The following NEDD9 variants were observed in gnomAD, a reference collection of about 807,000 sequenced individuals.
NEDD9 encodes the protein neural precursor cell expressed, developmentally down-regulated 9, also known as enhancer of filamentation 1.
Under a neutral mutation model 76.6 loss-of-function variants are expected in NEDD9, and 26 were observed. The ratio of observed to expected loss-of-function variants is 0.34; its 90% CI spans 0.25 to 0.47. The LOEUF is 0.47. Among genes scored for constraint, NEDD9 ranks in the 20% least tolerant of loss-of-function variants. NEDD9 has a pLI of 1.00. For missense variants in NEDD9, 937 were observed against 1,058.5 expected, an observed-to-expected ratio of 0.89 and a Z score of 1.59; for synonymous variants, 392 against 414.2, an observed-to-expected ratio of 0.95 and a Z score of 0.65.
intron 2 of NEDD9, among the ~76,000 whole-genome samples, chr6:11,313,861 A>T (rs1334145303): frequency 6.6e-6 from 1 of 152,208 alleles, no homozygotes; most frequent in African/African-American, 2.4e-5. Context: ...GTTAAAAAAT[A>T]AAAAATTTAC....
chr6:11,258,294 T>G (rs1034255736), intron 3 of NEDD9, among the ~76,000 whole-genome samples: 1 of 152,208 alleles, frequency 6.6e-6, no homozygotes, highest in Non-Finnish European at 1.5e-5. Context: ...CCACCAAGGC[T>G]TTTACATCAA....
At chr6:11,303,617 G>A (rs1262552846) in intron 3 of NEDD9, among the ~76,000 whole-genome samples, 1 of 152,048 alleles carries the variant, frequency 6.6e-6, no homozygotes, top group Non-Finnish European at 1.5e-5. Context: ...CAGATATATA[G>A]ATCAATGGAA....
At chr6:11,320,477 T>C (rs572234958) in intron 2 of NEDD9, among the ~76,000 whole-genome samples, 3 of 152,296 alleles carry the variant, frequency 2.0e-5, no homozygotes, top group Admixed American at 6.5e-5. Flanking sequence ...CGATAAGCGA[T>C]TTGTTCGTAT....
intron 3 of NEDD9, among the ~76,000 whole-genome samples, chr6:11,279,978 C>A (rs1760502156): frequency 6.6e-6 from 1 of 152,182 alleles, no homozygotes; most frequent in Non-Finnish European, 1.5e-5. Context: ...ACAGCCTTGT[C>A]CAGGCTCAGC....
Position 11,185,450 on chromosome 6 carries a change from CGGGGGCT to C in NEDD9, c.2210_2216del (p.Gln737ArgfsTer25). On this transcript the variant is annotated frameshift_variant, in exon 7 of 7. Transcript: ENST00000379446. LOFTEE classifies it high-confidence loss of function. ...ACTTGCTGTGTGCCACGAAGATTCG[CGGGGGCT>C]GGGCTGAGCTGACACAACTGAAGAG... The C allele has an allele frequency of 6.2e-7, 1 of 1,614,156 alleles. No individual in the cohort carries two copies. The highest frequency in any genetic ancestry group is 8.5e-7 in the Non-Finnish European group (1 of 1,180,028).
chr6:11,247,099 G>C (rs1429144493), intron 3 of NEDD9, among the ~76,000 whole-genome samples: 1 of 152,174 alleles, frequency 6.6e-6, no homozygotes, highest in Non-Finnish European at 1.5e-5. Context: ...CACATGAAAT[G>C]AAAGTTTAAA....
chr6:11,228,210 G>C (rs1581970862), intron 1 of NEDD9, among the ~76,000 whole-genome samples: 2 of 152,160 alleles, frequency 1.3e-5, no homozygotes, highest in East Asian at 3.9e-4. Context: ...GAACCAATGA[G>C]GTCATAAAAG....
At chr6:11,217,925 C>T (rs1759003717) in intron 1 of NEDD9, among the ~76,000 whole-genome samples, 3 of 152,194 alleles carry the variant, frequency 2.0e-5, no homozygotes, top group Admixed American at 6.5e-5. Context: ...ACCACTTTTT[C>T]GTTCTCTGTC....
At chr6:11,364,865 CA>C (rs1334926033) in intron 1 of NEDD9, among the ~76,000 whole-genome samples, 1 of 152,084 alleles carries the variant, frequency 6.6e-6, no homozygotes, top group Non-Finnish European at 1.5e-5. Flanking sequence ...TTTTTTTAAA[CA>C]ATAATAACTA....
intron 3 of NEDD9, among the ~76,000 whole-genome samples, chr6:11,275,997 G>A (rs763984172): frequency 2.6e-5 from 4 of 152,210 alleles, no homozygotes; most frequent in Non-Finnish European, 5.9e-5. Flanking sequence ...ACTTTAAAGT[G>A]TTTTAATCAT....
chr6:11,291,267 G>GTTTTTTTTTTTTTTTTTTT (rs869185428), intron 3 of NEDD9, among the ~76,000 whole-genome samples: 10 of 95,826 alleles, frequency 1.0e-4, no homozygotes, highest in African/African-American at 4.0e-4. Context: ...ATAGAATGAG[G>GTTTTTTTTTTTTTTTTTTT]TTTTTTTTTT....
chr6:11,284,008 G>A (rs79840595), intron 3 of NEDD9, among the ~76,000 whole-genome samples: 1 of 151,668 alleles, frequency 6.6e-6, no homozygotes, highest in Non-Finnish European at 1.5e-5. Flanking sequence ...TAGTGTAGAT[G>A]CATCCTTATG....
intron 1 of NEDD9, among the ~76,000 whole-genome samples, chr6:11,378,522 T>C (rs1763005438): frequency 6.6e-6 from 1 of 152,148 alleles, no homozygotes; most frequent in African/African-American, 2.4e-5. Flanking sequence ...TACAATTGTT[T>C]AGGGGCACAC....
chr6:11,211,114 C>T (rs1379497408), intron 2 of NEDD9, among the ~76,000 whole-genome samples: 1 of 152,200 alleles, frequency 6.6e-6, no homozygotes, highest in Non-Finnish European at 1.5e-5. Flanking sequence ...GACTCATCTA[C>T]CTTTTGCTAA....
At chr6:11,365,601 C>T (rs1762748151) in intron 1 of NEDD9, among the ~76,000 whole-genome samples, 1 of 152,126 alleles carries the variant, frequency 6.6e-6, no homozygotes, top group Non-Finnish European at 1.5e-5. Context: ...TCCCTGCAAG[C>T]ACATTTTGAT....
chr6:11,275,591 T>A (rs1372804908), intron 3 of NEDD9, among the ~76,000 whole-genome samples: 7 of 151,898 alleles, frequency 4.6e-5, no homozygotes, highest in Admixed American at 4.6e-4. Flanking sequence ...AAATTTTTTT[T>A]AAAAGACCTC....
chr6:11,192,515 G>A lies in NEDD9; in HGVS notation c.562-69C>T, dbSNP rs1758174294. On this transcript the variant is annotated intron_variant, in intron 3 of 6. Transcript: ENST00000379446. Reference sequence around the variant, plus strand: ...ACTTGGTCATTTTTTATGCTCCTAAGCACTTAATTATGGATTTATTTACCA... The same window carrying A: ...ACTTGGTCATTTTTTATGCTCCTAAACACTTAATTATGGATTTATTTACCA... 2.8e-6 allele frequency: 3 copies of A among 1,087,164 alleles called. No homozygotes were observed. In the South Asian group the frequency reaches 4.3e-5, roughly 16 times the overall value. 67.3% of individuals were successfully genotyped at this position (1,087,164 alleles called of 1,614,324 possible). A position where few individuals can be genotyped will look rare whatever the true frequency, so the allele number is the denominator to read the frequency against.
Position 11,185,068 on chromosome 6 carries a change from T to C in NEDD9, c.*94A>G, listed in dbSNP as rs1430907420. ...AAATATTTCATTTTTATATAAAATATCTACAAAAATAGATAACATTTACAA... is the reference window on the plus strand; with the variant it reads ...AAATATTTCATTTTTATATAAAATACCTACAAAAATAGATAACATTTACAA... On this transcript the variant is annotated 3_prime_UTR_variant, in exon 7 of 7. Transcript: ENST00000379446. The C allele has an allele frequency of 7.4e-7, 1 of 1,359,162 alleles. No individual in the cohort carries two copies. Among genetic ancestry groups the C allele is most frequent in the Non-Finnish European group, 9.9e-7 (1 of 1,012,298 alleles). 84.2% of individuals were successfully genotyped at this position (1,359,162 alleles called of 1,614,324 possible). A position where few individuals can be genotyped will look rare whatever the true frequency, so the allele number is the denominator to read the frequency against.
In NEDD9 at chr6:11,263,466, CCCTCCCAGGAGTGATCGTCTAGAATT is replaced by C. The variant is rs1266247299; in HGVS notation, c.12+42500_12+42525del. Among the ~76,000 whole-genome samples the C allele has an allele frequency of 9.6e-4, 147 of 152,336 alleles. 1 individual carries two copies. The highest frequency in any genetic ancestry group is 8.8e-5 in the Non-Finnish European group (6 of 68,040). ...TGGATTAGAAAGTAGTGGAAAAAAA[CCCTCCCAGGAGTGATCGTCTAGAATT>C]CCTTTAGTGTTTAATCTGTCTGGCG... On this transcript the variant is annotated intron_variant, in intron 3 of 3. Transcript: ENST00000397378.
Sources: gnomAD v4.1 joint callset for allele counts (sites outside exome capture counted in the v4.1 genomes callset) on GRCh38, gnomAD v4.1.1 for gene constraint, MANE v1.5 for transcripts, NCBI Gene and HGNC (gene_info 2026-07-23, HGNC 2026-07-21) for gene names.